Variants in BMPR1B observed in about 807,000 individuals in gnomAD.
The protein encoded by BMPR1B is bone morphogenetic protein receptor type 1B, also known as bone morphogenetic protein receptor type-1B.
A neutral mutation model predicts 59.1 loss-of-function variants in BMPR1B; 12 were observed. The observed-to-expected ratio is 0.20, with a 90% confidence interval of 0.13 to 0.33. BMPR1B has a LOEUF of 0.33. BMPR1B is among the 10% of genes least tolerant of loss of function. The pLI is 1.00. For synonymous variants in BMPR1B, 237 were observed against 207.3 expected, an observed-to-expected ratio of 1.14 and a Z score of -1.23; for missense variants, 550 against 610.9, an observed-to-expected ratio of 0.90 and a Z score of 1.05.
At chr4:94,954,477 A>G (rs993514989) in intron 2 of BMPR1B, among the ~76,000 whole-genome samples, 3 of 152,222 alleles carry the variant, frequency 2.0e-5, no homozygotes, top group Non-Finnish European at 4.4e-5. Flanking sequence ...TGCAATGCAC[A>G]TGCCAAAGAC....
chr4:94,921,471 C>A (rs550567707), intron 2 of BMPR1B, among the ~76,000 whole-genome samples: 3 of 152,110 alleles, frequency 2.0e-5, no homozygotes, highest in Non-Finnish European at 4.4e-5. Context: ...CCTCAGGGAG[C>A]TTTTATCTGT....
At chr4:95,050,763 T>C (rs1435355492) in intron 3 of BMPR1B, among the ~76,000 whole-genome samples, 1 of 152,250 alleles carries the variant, frequency 6.6e-6, no homozygotes, top group Non-Finnish European at 1.5e-5. Context: ...TTTTTGTATT[T>C]GTCTATGGTA....
At chr4:95,104,692 C>G (rs898302226) in intron 4 of BMPR1B, 125 bp downstream of exon 4, 1 of 1,217,072 alleles carries the variant, frequency 8.2e-7, no homozygotes, top group Non-Finnish European at 1.2e-6. Flanking sequence ...ATCGTAAACT[C>G]TTAGAGCTGT....
chr4:95,044,429 A>T (rs1725886375), intron 3 of BMPR1B, among the ~76,000 whole-genome samples: 1 of 152,190 alleles, frequency 6.6e-6, no homozygotes, highest in Non-Finnish European at 1.5e-5. Flanking sequence ...TGAGTGCATA[A>T]TGTGTGAATA....
At chr4:95,092,687 G>A (rs1483488372) in intron 3 of BMPR1B, among the ~76,000 whole-genome samples, 1 of 152,100 alleles carries the variant, frequency 6.6e-6, no homozygotes, top group Non-Finnish European at 1.5e-5. Flanking sequence ...TAAGGATTAG[G>A]AGCAGAGAGG....
At chr4:95,109,142 C>G (rs746809109) in intron 4 of BMPR1B, among the ~76,000 whole-genome samples, 1 of 152,236 alleles carries the variant, frequency 6.6e-6, no homozygotes, top group Non-Finnish European at 1.5e-5. Context: ...GCATGTTATG[C>G]ATTTAAAAAA....
chr4:94,786,751 A>G (rs1033735382), intron 1 of BMPR1B, among the ~76,000 whole-genome samples: 2 of 151,990 alleles, frequency 1.3e-5, no homozygotes, highest in Non-Finnish European at 1.5e-5. Flanking sequence ...TCACCGTGTT[A>G]GCCAGGATAG....
At chr4:95,069,049 T>A (rs1247401667) in intron 3 of BMPR1B, among the ~76,000 whole-genome samples, 1 of 152,236 alleles carries the variant, frequency 6.6e-6, no homozygotes, top group East Asian at 1.9e-4. Context: ...TGACATTATT[T>A]TGCTGAAGGA....
At chr4:95,058,801 T>C (rs1418496466) in intron 3 of BMPR1B, among the ~76,000 whole-genome samples, 1 of 152,170 alleles carries the variant, frequency 6.6e-6, no homozygotes, top group South Asian at 2.1e-4. Context: ...AAAATTCAAA[T>C]CAGTATTTCA....
intron 3 of BMPR1B, among the ~76,000 whole-genome samples, chr4:95,025,505 A>T (rs941595514): frequency 2.0e-5 from 3 of 152,138 alleles, no homozygotes; most frequent in Non-Finnish European, 2.9e-5. Flanking sequence ...TCAATTTGGG[A>T]TATATTTTGA....
intron 10 of BMPR1B, among the ~76,000 whole-genome samples, chr4:95,143,975 T>C (rs180868080): frequency 4.8e-4 from 73 of 152,228 alleles, no homozygotes; most frequent in African/African-American, 1.7e-3. Flanking sequence ...GTACATAAAA[T>C]TTAGTCCACC....
At chr4:94,957,225 C>T (rs560828328) in intron 2 of BMPR1B, among the ~76,000 whole-genome samples, 19 of 152,120 alleles carry the variant, frequency 1.2e-4, no homozygotes, top group Admixed American at 1.0e-3. Context: ...GATGCCTCAC[C>T]TAGGAGGCCT....
Position 94,873,453 on chromosome 4 carries a change from C to G in BMPR1B, c.-182-2378C>G, listed in dbSNP as rs370999665. 1.9e-4 allele frequency among the ~76,000 whole-genome samples: 29 copies of G among 149,438 alleles called. No homozygotes were observed. The South Asian group carries it at 4.4e-3, about 23-fold the overall frequency. On this transcript the variant is annotated intron_variant, in intron 1 of 12. Transcript: ENST00000515059. ...GACAGAGTTTCGCTCTGTCACCAGG[C>G]TGGAATGCAGTGGCGCGATCTCGGC...
At chr4:95,039,963 G>A (rs1469358499) in intron 3 of BMPR1B, among the ~76,000 whole-genome samples, 1 of 152,092 alleles carries the variant, frequency 6.6e-6, no homozygotes, top group Non-Finnish European at 1.5e-5. Context: ...GATTTAAAAT[G>A]CCACCTTAAA....
intron 2 of BMPR1B, among the ~76,000 whole-genome samples, chr4:94,893,774 TAAAC>T (rs71583672): frequency 0.21 from 32,151 of 151,334 alleles, 3,734 homozygotes; most frequent in African/African-American, 0.31. Flanking sequence ...TGGATGATAT[TAAAC>T]AAACAAACAA....
chr4:94,876,829 CTT>C (rs1726751419), intron 2 of BMPR1B, among the ~76,000 whole-genome samples: 1 of 152,136 alleles, frequency 6.6e-6, no homozygotes, highest in Admixed American at 6.5e-5. Context: ...ATGGGTTTGA[CTT>C]TACTCCAGTG....
chr4:95,049,433 T>G (rs951726845), intron 3 of BMPR1B, among the ~76,000 whole-genome samples: 109 of 13,920 alleles, frequency 7.8e-3, no homozygotes, highest in African/African-American at 0.018. Flanking sequence ...TTTTTTTTTT[T>G]TTTTTTTTTT....
chr4:94,851,862 T>C (rs1725579557), intron 1 of BMPR1B, among the ~76,000 whole-genome samples: 1 of 152,152 alleles, frequency 6.6e-6, no homozygotes, highest in Admixed American at 6.6e-5. Context: ...CCAACTAGAT[T>C]TAAAACTGTC....
At chr4:95,044,698 G>T (rs1041206360) in intron 3 of BMPR1B, among the ~76,000 whole-genome samples, 10 of 152,150 alleles carry the variant, frequency 6.6e-5, no homozygotes, top group African/African-American at 2.2e-4. Flanking sequence ...TAATGTGATG[G>T]TCTTTCACTC....
Sources: gnomAD v4.1 joint callset for allele counts (sites outside exome capture counted in the v4.1 genomes callset) on GRCh38, gnomAD v4.1.1 for gene constraint, MANE v1.5 for transcripts, NCBI Gene and HGNC (gene_info 2026-07-23, HGNC 2026-07-21) for gene names.